The following TRPM3 variants were observed in gnomAD, a reference collection of about 807,000 sequenced individuals.
The protein encoded by TRPM3 is transient receptor potential cation channel subfamily M member 3.
A neutral mutation model predicts 181.2 loss-of-function variants in TRPM3; 77 were observed. That is an observed-to-expected ratio of 0.42 (90% CI 0.35 to 0.51). The LOEUF (loss-of-function observed/expected upper bound fraction) is 0.51. Among genes scored for constraint, TRPM3 ranks in the 20% least tolerant of loss-of-function variants. TRPM3 has a pLI of 0.01. For synonymous variants in TRPM3, 745 were observed against 796.4 expected (o/e 0.94, Z 1.09); for missense variants, 1,759 against 2,196.7 (o/e 0.80, Z 3.98).
intron 1 of TRPM3, among the ~76,000 whole-genome samples, chr9:71,204,332 C>A (rs1409320032): frequency 1.3e-5 from 2 of 151,842 alleles, no homozygotes; most frequent in African/African-American, 4.8e-5. Flanking sequence ...GGGCTAATAT[C>A]CAGAATCTAC....
At chr9:70,678,805 A>G (rs963517530) in intron 9 of TRPM3, among the ~76,000 whole-genome samples, 5 of 152,260 alleles carry the variant, frequency 3.3e-5, no homozygotes, top group African/African-American at 1.2e-4. Flanking sequence ...AAAAAGTAGG[A>G]AGAATAATTT....
chr9:71,351,878 T>TTG (rs1477707500), intron 1 of TRPM3, among the ~76,000 whole-genome samples: 9 of 45,718 alleles, frequency 2.0e-4, no homozygotes, highest in African/African-American at 5.6e-4. Context: ...TTGTTTTTGT[T>TTG]TTTTTTTTTT....
At chr9:71,397,861 C>T (rs1347735836) in intron 1 of TRPM3, among the ~76,000 whole-genome samples, 2 of 152,174 alleles carry the variant, frequency 1.3e-5, no homozygotes, top group Non-Finnish European at 2.9e-5. Flanking sequence ...TTTAAGTTAG[C>T]AGAAACTGCT....
At chr9:71,069,622 T>C (rs1044915777) in intron 1 of TRPM3, among the ~76,000 whole-genome samples, 1 of 150,676 alleles carries the variant, frequency 6.6e-6, no homozygotes, top group African/African-American at 2.4e-5. Context: ...TTTTTTTTTT[T>C]TTTTGAGACG....
chr9:70,898,759 A>G lies in TRPM3; in HGVS notation c.178-34248T>C, dbSNP rs1181435694. On this transcript the variant is annotated intron_variant, in intron 1 of 25. Transcript: ENST00000677713. Reference sequence around the variant, plus strand: ...TGAGACTTCATCTCAAAAAAAAAAAAAAAAAAAGAAAAGAAAAGAAAAGAA... The same window carrying G: ...TGAGACTTCATCTCAAAAAAAAAAAGAAAAAAAGAAAAGAAAAGAAAAGAA... Among the ~76,000 whole-genome samples, 6 of 151,074 alleles carry G rather than the reference A, an allele frequency of 4.0e-5. No individual in the cohort carries two copies. The East Asian group carries it at 5.9e-4, about 15-fold the overall frequency.
At chr9:71,106,764 C>T (rs2069684617) in intron 1 of TRPM3, among the ~76,000 whole-genome samples, 1 of 152,146 alleles carries the variant, frequency 6.6e-6, no homozygotes, top group African/African-American at 2.4e-5. Context: ...TGTTATCATT[C>T]TGGATGAAAA....
At chr9:71,003,752 C>G (rs1178941742) in intron 1 of TRPM3, among the ~76,000 whole-genome samples, 1 of 151,106 alleles carries the variant, frequency 6.6e-6, no homozygotes. Flanking sequence ...AAGAGCCCCC[C>G]GAAATCACTC....
rs141992218 is a variant in TRPM3, at chr9:70,802,511, G to A, written c.974-18232C>T. On this transcript the variant is annotated intron_variant, in intron 6 of 25. Transcript: ENST00000677713. The stretch of plus-strand genomic sequence containing the variant: ...TAGTTTGTTCACCTCTGGGTTTAAT[G>A]TGATAAATTACATAAGGAAACATAT... 5.7e-3 allele frequency among the ~76,000 whole-genome samples: 863 copies of A among 152,326 alleles called. 9 individuals carry two copies. Among genetic ancestry groups the A allele is most frequent in the Non-Finnish European group, 9.3e-3 (632 of 68,032 alleles).
At chr9:71,239,674 G>C (rs564146237) in intron 1 of TRPM3, among the ~76,000 whole-genome samples, 7 of 152,122 alleles carry the variant, frequency 4.6e-5, no homozygotes, top group Non-Finnish European at 1.0e-4. Flanking sequence ...AATAGAAAAT[G>C]CAATATACCA....
intron 1 of TRPM3, among the ~76,000 whole-genome samples, chr9:71,382,446 A>G (rs1351513157): frequency 6.6e-6 from 1 of 152,150 alleles, no homozygotes; most frequent in South Asian, 2.1e-4. Context: ...TAGTAAAGCT[A>G]ATATTTGAGT....
intron 1 of TRPM3, among the ~76,000 whole-genome samples, chr9:71,083,868 G>A (rs1330510813): frequency 6.6e-6 from 1 of 151,608 alleles, no homozygotes; most frequent in East Asian, 1.9e-4. Context: ...ATCTATATAT[G>A]TATATATAGA....
chr9:71,432,637 A>C (rs980404899), intron 1 of TRPM3, among the ~76,000 whole-genome samples: 3 of 152,168 alleles, frequency 2.0e-5, no homozygotes, highest in Non-Finnish European at 4.4e-5. Flanking sequence ...AATGCATAAA[A>C]ACTCATTTCT....
In TRPM3 at chr9:71,383,153, C is replaced by G. The variant is rs149675367; in HGVS notation, c.183+63500G>C. Among the ~76,000 whole-genome samples the G allele has an allele frequency of 5.9e-3, 904 of 152,080 alleles. 9 individuals carry two copies. The highest frequency in any genetic ancestry group is 0.02 in the African/African-American group (842 of 41,492). On this transcript the variant is annotated intron_variant, in intron 1 of 24. Coordinates refer to the TRPM3 transcript ENST00000357533. Reference sequence around the variant, plus strand: ...GAATTATTTCTCTAACATTTTACACCAGCATTTTATATCACTGTTAGCTCC... The same window carrying G: ...GAATTATTTCTCTAACATTTTACACGAGCATTTTATATCACTGTTAGCTCC...
At chr9:71,203,593 G>A (rs1442745694) in intron 1 of TRPM3, among the ~76,000 whole-genome samples, 1 of 152,190 alleles carries the variant, frequency 6.6e-6, no homozygotes, top group Admixed American at 6.5e-5. Flanking sequence ...TTATGCTACT[G>A]ACTGGCTGTG....
At chr9:71,134,014 T>TGTGCGC (rs1554832860) in intron 1 of TRPM3, among the ~76,000 whole-genome samples, 26 of 139,948 alleles carry the variant, frequency 1.9e-4, no homozygotes, top group African/African-American at 3.1e-4. Flanking sequence ...TGTGTGTGTG[T>TGTGCGC]GCGCGTGCGC....
At chr9:71,246,439 T>TC (rs1355763344) in intron 1 of TRPM3, among the ~76,000 whole-genome samples, 1 of 151,674 alleles carries the variant, frequency 6.6e-6, no homozygotes, top group Non-Finnish European at 1.5e-5. Flanking sequence ...TTAAGGTGTG[T>TC]CCCCTTCACA....
At chr9:70,931,767 T>G (rs2096777462) in intron 1 of TRPM3, among the ~76,000 whole-genome samples, 1 of 152,150 alleles carries the variant, frequency 6.6e-6, no homozygotes, top group South Asian at 2.1e-4. Context: ...AATCTTGAAG[T>G]TTTACTTTTA....
chr9:70,542,151 G>A (rs766296020), intron 25 of TRPM3, among the ~76,000 whole-genome samples: 1 of 152,106 alleles, frequency 6.6e-6, no homozygotes, highest in African/African-American at 2.4e-5. Context: ...TAAATGGGCA[G>A]GTGTCACAGA....
intron 1 of TRPM3, among the ~76,000 whole-genome samples, chr9:71,422,914 G>A (rs1025804527): frequency 4.6e-5 from 7 of 151,992 alleles, no homozygotes; most frequent in African/African-American, 1.7e-4. Context: ...CACAGACCCA[G>A]TAAGAGGTGA....
Sources: allele counts gnomAD v4.1 joint callset (sites outside exome capture counted in the v4.1 genomes callset), GRCh38; gene constraint gnomAD v4.1.1; transcripts MANE v1.5; gene names NCBI Gene and HGNC (gene_info 2026-07-23, HGNC 2026-07-21).